The following ABHD2 variants were observed in gnomAD, a reference collection of about 807,000 sequenced individuals.
ABHD2 encodes the protein monoacylglycerol lipase ABHD2.
ABHD2 carries 20 observed loss-of-function variants against 48.1 expected under a neutral mutation model. The observed-to-expected ratio is 0.42, with a 90% CI of 0.29 to 0.60. The LOEUF is 0.60. Ranked by LOEUF, ABHD2 falls within the 20% of genes least tolerant of loss-of-function variation. The pLI is 0.24. For synonymous variants in ABHD2, 209 were observed against 214.2 expected, an observed-to-expected ratio of 0.98 and a Z score of 0.21; for missense variants, 405 against 550.9, an observed-to-expected ratio of 0.74 and a Z score of 2.65.
rs552407596 is a variant in ABHD2, at chr15:89,097,867, C to T, written c.-107+9304C>T. ...TCTGCTCCTTGTTTTAGTCACTTAA[C>T]ATGGAATTATACATGTTAGCAAATT... On this transcript the variant is annotated intron_variant, in intron 1 of 10. Coordinates refer to ENST00000352732, the MANE Select transcript of ABHD2 (RefSeq NM_152924.5). This position sits in a 1 kb window ranked among gnomAD's most constrained non-coding sequence, Gnocchi z 4.2. 1.3e-5 allele frequency among the ~76,000 whole-genome samples: 2 copies of T among 152,260 alleles called. No individual in the cohort carries two copies. The highest frequency in any genetic ancestry group is 1.9e-4 in the East Asian group (1 of 5,186).
Position 89,188,361 on chromosome 15 carries a change from G to A in ABHD2, c.926+58G>A, listed in dbSNP as rs1040096424. On this transcript the variant is annotated intron_variant, in intron 8 of 10. Transcript: ENST00000352732. The surrounding 1 kb of genome is among the most constrained non-coding windows in gnomAD (Gnocchi z 4.1). ...GGGGCAGGGTGCCAGGCAGGAGGCT[G>A]CAGGTCAGCTGTGCCCAGCACTAGT... 5 of 1,505,496 alleles carry A rather than the reference G, an allele frequency of 3.3e-6. No homozygotes were observed. The highest frequency in any genetic ancestry group is 3.7e-6 in the Non-Finnish European group (4 of 1,085,266). The allele number at this position is 1,505,496 out of a possible 1,614,324, so 93.3% of individuals were successfully genotyped here.
At chr15:89,051,895 A>C in the ABHD2 span, among the ~76,000 whole-genome samples, 1 of 152,188 alleles carries the variant, frequency 6.6e-6, no homozygotes, top group Non-Finnish European at 1.5e-5. Context: ...TTGAGGGTAC[A>C]TATAGGGGAG....
At chr15:89,162,245 C>G (rs186975090) in intron 5 of ABHD2, among the ~76,000 whole-genome samples, 1 of 152,300 alleles carries the variant, frequency 6.6e-6, no homozygotes, top group Non-Finnish European at 1.5e-5. Flanking sequence ...AAACAGTACT[C>G]CTCAAGAGCA....
chr15:89,123,601 T>C (rs1470816073), intron 3 of ABHD2, among the ~76,000 whole-genome samples: 40 of 140,898 alleles, frequency 2.8e-4, no homozygotes, highest in African/African-American at 9.6e-4. Context: ...TTCTTTTTTT[T>C]TTTTTTTTTT....
rs1335083248 is a variant in ABHD2 at position 89,166,993 on chromosome 15, AT to A, written c.539-8817del. 6.6e-6 allele frequency among the ~76,000 whole-genome samples: 1 copy of A among 152,176 alleles called. No individual in the cohort carries two copies. Among genetic ancestry groups the A allele is most frequent in the Non-Finnish European group, 1.5e-5 (1 of 68,038 alleles). ...GGACTTTATTAATAACGTTATAATA[AT>A]TCATAACTTTATTAATAACTGCATC... On this transcript the variant is annotated intron_variant, in intron 5 of 10. Transcript: ENST00000352732. The surrounding 1 kb of genome is among the most constrained non-coding windows in gnomAD (Gnocchi z 4.6).
At chr15:89,068,557 CG>C in the ABHD2 span, among the ~76,000 whole-genome samples, 7 of 152,140 alleles carry the variant, frequency 4.6e-5, no homozygotes, top group Admixed American at 4.6e-4. Flanking sequence ...TCTCTCCACA[CG>C]GGCTAGCTGG....
At chr15:89,118,460 C>T (rs559008243) in intron 3 of ABHD2, among the ~76,000 whole-genome samples, 39 of 152,298 alleles carry the variant, frequency 2.6e-4, no homozygotes, top group African/African-American at 8.9e-4. Context: ...GCATGAGCCA[C>T]GGCGCTCGGC....
At chr15:89,087,274 G>C (rs533532264), upstream of ABHD2, 1 of 152,316 alleles carries the variant, frequency 6.6e-6, no homozygotes, top group South Asian at 2.1e-4. The surrounding 1 kb of genome is among the most constrained non-coding windows in gnomAD (Gnocchi z 5.5). Context: ...GAAATATGTT[G>C]GGAAAAATTT....
chr15:89,068,017 G>A, the ABHD2 span, among the ~76,000 whole-genome samples: 3 of 152,078 alleles, frequency 2.0e-5, no homozygotes, highest in African/African-American at 7.2e-5. Flanking sequence ...ATAGAAGAAG[G>A]GAGAATTTCT....
rs185238368 is a variant in ABHD2, at chr15:89,137,552, G to A, written c.195-14125G>A. On this transcript the variant is annotated intron_variant, in intron 3 of 10. Transcript: ENST00000352732. The surrounding 1 kb of genome is among the most constrained non-coding windows in gnomAD (Gnocchi z 4.8). ...TGTATTTAGAAACCAGTTCGGGAAC[G>A]GAAGAGGATTGCTCTTTTGTTTCCT... Among the ~76,000 whole-genome samples the A allele has an allele frequency of 5.9e-5, 9 of 152,280 alleles. No individual in the cohort carries two copies. Among genetic ancestry groups the A allele is most frequent in the South Asian group, 2.1e-4 (1 of 4,822 alleles).
rs528960842 is a variant in ABHD2, at chr15:89,196,745, T to G, written c.*1322T>G. On this transcript the variant is annotated 3_prime_UTR_variant, in exon 11 of 11. Coordinates refer to ENST00000352732, the MANE Select transcript of ABHD2 (RefSeq NM_152924.5). The stretch of plus-strand genomic sequence containing the variant: ...ATATTTCCAACCTAAGTGGGTATTA[T>G]TTTGAAACCAGATTTTTAATTTAAT... 1 of 152,614 alleles carries G rather than the reference T, an allele frequency of 6.6e-6. No homozygotes were observed. The highest frequency in any genetic ancestry group is 2.1e-4 in the South Asian group (1 of 4,824). 9.5% of individuals were successfully genotyped at this position (152,614 alleles called of 1,614,324 possible). A position where few individuals can be genotyped will look rare whatever the true frequency, so the allele number is the denominator to read the frequency against.
intron 3 of ABHD2, among the ~76,000 whole-genome samples, chr15:89,150,355 G>A (rs1385867305): frequency 6.6e-6 from 1 of 152,108 alleles, no homozygotes; most frequent in East Asian, 1.9e-4. Flanking sequence ...GTGTTTGGTT[G>A]TCCAATTGAC....
intron 3 of ABHD2, among the ~76,000 whole-genome samples, chr15:89,143,894 G>A (rs1325472723): frequency 6.6e-6 from 1 of 151,978 alleles, no homozygotes; most frequent in East Asian, 1.9e-4. Flanking sequence ...TGTTGGTGAG[G>A]ATATGGAGAA....
At chr15:89,111,548 C>T (rs1435449720) in intron 1 of ABHD2, among the ~76,000 whole-genome samples, 1 of 152,152 alleles carries the variant, frequency 6.6e-6, no homozygotes, top group Non-Finnish European at 1.5e-5. Flanking sequence ...ACTTCATGGC[C>T]CAAGAGGGCT....
rs34458230 is a variant in ABHD2, at chr15:89,152,077, GTT to G, written c.370+240_370+241del. ...GCTCTTCAGAACTCATTGTAGAATA[GTT>G]TTTTTTTTTTTTTTGAGACGGAGTC... is the stretch of plus-strand genomic sequence containing the variant. On this transcript the variant is annotated intron_variant, in intron 4 of 10. Coordinates refer to ENST00000352732, the MANE Select transcript of ABHD2 (RefSeq NM_152924.5). Among the ~76,000 whole-genome samples the G allele has an allele frequency of 6.2e-3, 874 of 139,904 alleles. 8 individuals carry two copies. Among genetic ancestry groups the G allele is most frequent in the African/African-American group, 0.021 (807 of 38,108 alleles). 91.8% of individuals were successfully genotyped at this position (139,904 alleles called of 152,430 possible). A position where few individuals can be genotyped will look rare whatever the true frequency, so the allele number is the denominator to read the frequency against.
chr15:89,131,479 G>A (rs1038388592), intron 3 of ABHD2, among the ~76,000 whole-genome samples: 24 of 152,258 alleles, frequency 1.6e-4, no homozygotes, highest in African/African-American at 5.8e-4. Context: ...AGGTGAAGGG[G>A]CAGGATGGGA....
chr15:89,099,404 A>G (rs1018936663), intron 1 of ABHD2, among the ~76,000 whole-genome samples: 1 of 152,134 alleles, frequency 6.6e-6, no homozygotes, highest in Non-Finnish European at 1.5e-5. Context: ...GTTGGAGACC[A>G]GCCTGGAAAA....
chr15:89,187,233 T>A (rs1251401413), intron 7 of ABHD2, among the ~76,000 whole-genome samples: 3 of 152,232 alleles, frequency 2.0e-5, no homozygotes, highest in Non-Finnish European at 2.9e-5. Flanking sequence ...TACTAATTAG[T>A]CTAGAAGGTT....
intron 3 of ABHD2, among the ~76,000 whole-genome samples, chr15:89,118,047 C>G (rs1022647962): frequency 5.9e-5 from 9 of 152,108 alleles, no homozygotes; most frequent in African/African-American, 2.2e-4. Context: ...GCCTCCACAG[C>G]CAGGCACAAG....
Sources: allele counts gnomAD v4.1 joint callset (sites outside exome capture counted in the v4.1 genomes callset), GRCh38; gene constraint gnomAD v4.1.1; non-coding constraint Gnocchi (gnomAD v3.1); transcripts MANE v1.5; gene names NCBI Gene and HGNC (gene_info 2026-07-23, HGNC 2026-07-21).